The following PRPSAP2 variants were observed in gnomAD, a reference collection of about 807,000 sequenced individuals.
The protein encoded by PRPSAP2 is phosphoribosyl pyrophosphate synthase-associated protein 2.
In PRPSAP2, 24 loss-of-function variants were observed where a neutral mutation model predicts 40.6. The observed-to-expected ratio is 0.59, with a 90% CI of 0.43 to 0.83. PRPSAP2 has a LOEUF of 0.83. Among genes scored for constraint, PRPSAP2 ranks in the 40% least tolerant of loss-of-function variants. PRPSAP2 has a pLI of 0.00. For synonymous variants in PRPSAP2, 149 were observed against 164.7 expected, an observed-to-expected ratio of 0.90 and a Z score of 0.73; for missense variants, 292 against 465.6, an observed-to-expected ratio of 0.63 and a Z score of 3.43.
intron 8 of PRPSAP2, among the ~76,000 whole-genome samples, chr17:18,895,208 C>T (rs528777329): frequency 1.3e-5 from 2 of 151,636 alleles, no homozygotes; most frequent in African/African-American, 4.8e-5. Flanking sequence ...ATTTCAGCCT[C>T]CTAAGTAGCT....
chr17:18,911,378 T>TGAAA lies in PRPSAP2; in HGVS notation c.733+128_733+129insAAAG, dbSNP rs933824229. On this transcript the variant is annotated intron_variant, in intron 9 of 11. Transcript: ENST00000268835. This position sits in a 1 kb window ranked among gnomAD's most constrained non-coding sequence, Gnocchi z 4.5. ...GGCAAAAACTCATTAACACCTTTCT[T>TGAAA]GGCCAGATAGTAGCGAATGCATTTC... 6 of 1,162,952 alleles carry TGAAA rather than the reference T, an allele frequency of 5.2e-6. No individual in the cohort carries two copies. The African/African-American group carries it at 7.7e-5, about 15-fold the overall frequency. The allele number at this position is 1,162,952 out of a possible 1,614,324, so 72.0% of individuals were successfully genotyped here.
At chr17:18,881,693 A>C (rs1402790802) in intron 6 of PRPSAP2, among the ~76,000 whole-genome samples, 1 of 151,656 alleles carries the variant, frequency 6.6e-6, no homozygotes, top group Admixed American at 6.6e-5. Flanking sequence ...GTGCGCCACC[A>C]TGCCTGGCTA....
At chr17:18,861,078 G>A (rs1005431322) in intron 1 of PRPSAP2, among the ~76,000 whole-genome samples, 1 of 152,146 alleles carries the variant, frequency 6.6e-6, no homozygotes, top group African/African-American at 2.4e-5. Flanking sequence ...TGATTATTAT[G>A]TTTTTGAGGA....
intron 4 of PRPSAP2, among the ~76,000 whole-genome samples, chr17:18,869,676 A>G (rs1225231820): frequency 7.2e-6 from 1 of 138,110 alleles, no homozygotes; most frequent in Non-Finnish European, 1.6e-5. Flanking sequence ...CCCAGCCATA[A>G]TTTTTTTTTT....
At chr17:18,894,220 C>T (rs1567711461) in intron 8 of PRPSAP2, among the ~76,000 whole-genome samples, 2 of 151,812 alleles carry the variant, frequency 1.3e-5, no homozygotes, top group African/African-American at 2.4e-5. Context: ...TACAATGGCA[C>T]GATCTCAGCT....
intron 4 of PRPSAP2, among the ~76,000 whole-genome samples, chr17:18,868,333 G>A (rs1311957121): frequency 2.0e-5 from 3 of 152,024 alleles, no homozygotes; most frequent in Non-Finnish European, 4.4e-5. Context: ...AAATTTGCTG[G>A]GCTTGGTGGC....
chr17:18,874,153 C>A (rs2151897397), intron 5 of PRPSAP2, among the ~76,000 whole-genome samples: 1 of 152,178 alleles, frequency 6.6e-6, no homozygotes, highest in Non-Finnish European at 1.5e-5. Context: ...GATCCTCCTG[C>A]CTTGACCTCC....
At chr17:18,910,051 A>C (rs1274212567) in intron 8 of PRPSAP2, among the ~76,000 whole-genome samples, 1 of 152,224 alleles carries the variant, frequency 6.6e-6, no homozygotes, top group Non-Finnish European at 1.5e-5. Flanking sequence ...GCAGAATATT[A>C]CTCAGCAATG....
At chr17:18,865,647 G>T (rs935997676) in intron 2 of PRPSAP2, 83 bp downstream of exon 2, 1 of 325,232 alleles carries the variant, frequency 3.1e-6, no homozygotes, top group Non-Finnish European at 5.1e-6. Flanking sequence ...AAATCCAACT[G>T]AACTTTCTGT....
At chr17:18,909,037 A>T (rs1204108874) in intron 8 of PRPSAP2, among the ~76,000 whole-genome samples, 1 of 152,188 alleles carries the variant, frequency 6.6e-6, no homozygotes, top group Admixed American at 6.5e-5. Context: ...GAAATAGAAA[A>T]CAAAAACCAG....
At chr17:18,869,842 T>TTGTG (rs60828225) in intron 4 of PRPSAP2, among the ~76,000 whole-genome samples, 14 of 139,260 alleles carry the variant, frequency 1.0e-4, no homozygotes, top group South Asian at 2.3e-4. Context: ...TACTTTTTTT[T>TTGTG]TGTGTGTGTG....
At chr17:18,880,767 C>A (rs1043467640) in intron 6 of PRPSAP2, among the ~76,000 whole-genome samples, 1 of 152,078 alleles carries the variant, frequency 6.6e-6, no homozygotes, top group Non-Finnish European at 1.5e-5. Context: ...AAGATTTGAT[C>A]TGCTCTAATA....
At position 18,872,590 on chromosome 17, in the gene PRPSAP2, A is replaced by G; in HGVS notation, c.180A>G (p.Arg60=). The G allele has an allele frequency of 6.3e-7, 1 of 1,586,726 alleles. No individual in the cohort carries two copies. The highest frequency in any genetic ancestry group is 8.6e-7 in the Non-Finnish European group (1 of 1,156,452). The change falls in exon 5 of 12, where the codon AGA becomes AGG. Residue 60 remains arginine, a synonymous_variant. Transcript: ENST00000268835. ...TTTTCCTTTTCCTGCCAGAAACAAGAGTACAAATTCAAGAGTCTGTGAGGG... is the reference window on the plus strand; with the variant it reads ...TTTTCCTTTTCCTGCCAGAAACAAGGGTACAAATTCAAGAGTCTGTGAGGG... ...QVYQEPNRET[R]VQIQESVRGK...
In PRPSAP2 at chr17:18,899,948, G is replaced by C. The variant is rs574776366; in HGVS notation, c.584+10071G>C. Among the ~76,000 whole-genome samples, 302 of 152,056 alleles carry C rather than the reference G, an allele frequency of 2.0e-3. 1 individual carries two copies. Among genetic ancestry groups the C allele is most frequent in the African/African-American group, 6.8e-3 (281 of 41,470 alleles). On this transcript the variant is annotated intron_variant, in intron 8 of 11. Coordinates refer to ENST00000268835, the MANE Select transcript of PRPSAP2 (RefSeq NM_002767.4). The stretch of plus-strand genomic sequence containing the variant: ...GTTGCCCAGGCTGGAGTACAGTGGT[G>C]TTATCACAGCTCACTGCAACCTCCG...
intron 8 of PRPSAP2, among the ~76,000 whole-genome samples, chr17:18,891,267 G>A (rs550628010): frequency 1.2e-4 from 18 of 152,084 alleles, no homozygotes; most frequent in Non-Finnish European, 2.4e-4. Context: ...AGTCATTGAC[G>A]TTATGAATTA....
chr17:18,863,517 TTTC>T (rs1180790568), intron 1 of PRPSAP2, among the ~76,000 whole-genome samples: 1 of 133,546 alleles, frequency 7.5e-6, no homozygotes, highest in Non-Finnish European at 1.6e-5. Flanking sequence ...CTTCCCTTTC[TTTC>T]TTCTTCTCTT....
At chr17:18,896,580 C>CTTTTTTTTT (rs58391876) in intron 8 of PRPSAP2, among the ~76,000 whole-genome samples, 2 of 104,758 alleles carry the variant, frequency 1.9e-5, no homozygotes, top group Non-Finnish European at 3.6e-5. Context: ...CCAGATTTTC[C>CTTTTTTTTT]TTTTTTTTTT....
At chr17:18,878,913 A>G (rs2038507891) in intron 6 of PRPSAP2, among the ~76,000 whole-genome samples, 1 of 152,098 alleles carries the variant, frequency 6.6e-6, no homozygotes. Flanking sequence ...TCCGTTGCCC[A>G]GGCTGGAGTG....
chr17:18,892,729 A>ATTTATTTATTTATTTTTTTTTTTTTTTT (rs2039641134), intron 8 of PRPSAP2, among the ~76,000 whole-genome samples: 1 of 12,844 alleles, frequency 7.8e-5, no homozygotes, highest in African/African-American at 2.8e-4. Context: ...GTGTGTGTGT[A>ATTTATTTATTTATTTTTTTTTTTTTTTT]TTTATTTATT....
Sources: gnomAD v4.1 joint callset for allele counts (sites outside exome capture counted in the v4.1 genomes callset) on GRCh38, gnomAD v4.1.1 for gene constraint, Gnocchi (gnomAD v3.1) non-coding constraint, MANE v1.5 for transcripts, NCBI Gene and HGNC (gene_info 2026-07-23, HGNC 2026-07-21) for gene names.